Variants in SNED1 observed in about 807,000 individuals in gnomAD.
SNED1 encodes the protein sushi, nidogen and EGF-like domain-containing protein 1.
A neutral mutation model predicts 166.7 loss-of-function variants in SNED1; 81 were observed. The ratio of observed to expected loss-of-function variants is 0.49; its 90% CI spans 0.41 to 0.58. The LOEUF (loss-of-function observed/expected upper bound fraction) is 0.58. Ranked by LOEUF, SNED1 falls within the 20% of genes least tolerant of loss-of-function variation. The probability of loss-of-function intolerance (pLI) is 0.00; values close to 1 mark genes in which losing one functional copy is unlikely to be tolerated. For missense variants in SNED1, 1,604 were observed against 2,000.2 expected (o/e 0.80, Z 3.78); for synonymous variants, 762 against 822.0 (o/e 0.93, Z 1.25).
In SNED1 at chr2:241,094,359, C is replaced by T. The variant is rs1325998209; in HGVS notation, c.*2723C>T. 1.7e-5 allele frequency: 8 copies of T among 470,472 alleles called. No homozygotes were observed. Among genetic ancestry groups the T allele is most frequent in the Admixed American group, 7.1e-5 (3 of 42,546 alleles). 29.1% of individuals were successfully genotyped at this position (470,472 alleles called of 1,614,324 possible). A position where few individuals can be genotyped will look rare whatever the true frequency, so the allele number is the denominator to read the frequency against. ...TCTGACTCAACTGTGGCGATGTGGACGGAGTCACCGAGCTGCTTTTCTTTT... is the reference window on the plus strand; with the variant it reads ...TCTGACTCAACTGTGGCGATGTGGATGGAGTCACCGAGCTGCTTTTCTTTT... On this transcript the variant is annotated 3_prime_UTR_variant, in exon 32 of 32. Coordinates refer to ENST00000310397, the MANE Select transcript of SNED1 (RefSeq NM_001080437.3). The surrounding 1 kb of genome is among the most constrained non-coding windows in gnomAD (Gnocchi z 4.3).
rs374185286 is a variant in SNED1, at chr2:241,041,314, C to T, written c.1273+901C>T. ...ATTTCACTAAATTCATGTCAGGAAA[C>T]GGATAAGTGGTTTCAAAAATTTTTT... On this transcript the variant is annotated intron_variant, in intron 8 of 31. Transcript: ENST00000310397. The T allele has an allele frequency of 1.3e-4, 21 of 157,526 alleles. No homozygotes were observed. The South Asian group carries it at 3.7e-3, about 28-fold the overall frequency. 9.8% of individuals were successfully genotyped at this position (157,526 alleles called of 1,614,324 possible). A position where few individuals can be genotyped will look rare whatever the true frequency, so the allele number is the denominator to read the frequency against.
Position 241,082,366 on chromosome 2 carries a change from T to TA in SNED1, c.4121+4dup, listed in dbSNP as rs1282344774. ...GGAGGGAGGCGTCTGTCACCACGTGTAAGTTGGTTTCTGTCCTCCGCCTTA... is the reference window on the plus strand; with the variant it reads ...GGAGGGAGGCGTCTGTCACCACGTGTAAAGTTGGTTTCTGTCCTCCGCCTTA... On this transcript the variant is annotated splice_region_variant and intron_variant, in intron 29 of 31. Coordinates refer to ENST00000310397, the MANE Select transcript of SNED1 (RefSeq NM_001080437.3). 6.2e-7 allele frequency: 1 copy of TA among 1,611,888 alleles called. No homozygotes were observed. Among genetic ancestry groups the TA allele is most frequent in the South Asian group, 1.1e-5 (1 of 91,030 alleles).
At chr2:241,085,002 C>T (rs2063511211) in intron 29 of SNED1, among the ~76,000 whole-genome samples, 1 of 151,554 alleles carries the variant, frequency 6.6e-6, no homozygotes, top group South Asian at 2.1e-4. Context: ...TCATTCTTAC[C>T]TGTGTTACAC....
rs2061859241 is a variant in SNED1 at position 241,052,027 on chromosome 2, G to C, written c.1853-14G>C. Reference sequence around the variant, plus strand: ...GGCAGTGGGCTGTGACCCTGACCTGGCTTCTGTTTCCAGGGAAGCCAGACT... The same window carrying C: ...GGCAGTGGGCTGTGACCCTGACCTGCCTTCTGTTTCCAGGGAAGCCAGACT... On this transcript the variant is annotated splice_polypyrimidine_tract_variant and intron_variant, in intron 13 of 31. Coordinates refer to ENST00000310397, the MANE Select transcript of SNED1 (RefSeq NM_001080437.3). 2.5e-6 allele frequency: 4 copies of C among 1,611,790 alleles called. No individual in the cohort carries two copies. Among genetic ancestry groups the C allele is most frequent in the Non-Finnish European group, 3.4e-6 (4 of 1,178,248 alleles).
intron 1 of SNED1, among the ~76,000 whole-genome samples, chr2:241,002,857 G>A (rs949613277): frequency 6.6e-6 from 1 of 151,902 alleles, no homozygotes; most frequent in Non-Finnish European, 1.5e-5. Context: ...ACCCCTGAGA[G>A]CCTCCCCAAT....
intron 31 of SNED1, chr2:241,088,900 G>A (rs2063729564): frequency 5.0e-6 from 1 of 201,824 alleles, no homozygotes; most frequent in Admixed American, 5.7e-5. Flanking sequence ...TGGGGCAGGG[G>A]CCTTGATCGC....
intron 6 of SNED1, among the ~76,000 whole-genome samples, chr2:241,038,783 C>T (rs2061443344): frequency 6.6e-6 from 1 of 152,226 alleles, no homozygotes; most frequent in African/African-American, 2.4e-5. Flanking sequence ...GGATCTCCTT[C>T]CTCTTGCTCA....
rs1241112362 is a variant in SNED1, at chr2:241,064,020, G to A, written c.2494G>A (p.Ala832Thr). 2.6e-6 allele frequency: 4 copies of A among 1,552,972 alleles called. No individual in the cohort carries two copies. The highest frequency in any genetic ancestry group is 1.7e-6 in the Non-Finnish European group (2 of 1,148,784). ...CTCTGGGTGTTCTCCAGAGGTGGAC[G>A]CCTGCGACTCCAGCCCCTGCCAGCA... ...VGVHCETEVD[A>T]CDSSPCQHGG... Residue 832 changes from alanine to threonine, a missense_variant, in exon 19 of 32, where the codon GCC becomes ACC. This residue lies in a region of SNED1 where 1,237 missense variants were observed against 1,620.8 expected (regional missense o/e 0.76). Transcript: ENST00000310397. The surrounding 1 kb of genome is among the most constrained non-coding windows in gnomAD (Gnocchi z 7.0).
chr2:241,086,277 G>A (rs940702577), intron 29 of SNED1, among the ~76,000 whole-genome samples: 17 of 152,188 alleles, frequency 1.1e-4, no homozygotes, highest in Admixed American at 9.2e-4. Context: ...TTCACCCTAT[G>A]CATGCACAGC....
At chr2:241,012,837 T>C (rs1332839011) in intron 1 of SNED1, among the ~76,000 whole-genome samples, 1 of 151,482 alleles carries the variant, frequency 6.6e-6, no homozygotes, top group South Asian at 2.1e-4. Context: ...TTTTTTTTTT[T>C]TTTTGTTGTT....
chr2:241,036,047 T>TGGAGGTGCGTCACGGGGTGGGTGGGGGGG (rs2061352899), intron 4 of SNED1, among the ~76,000 whole-genome samples: 1 of 5,578 alleles, frequency 1.8e-4, no homozygotes, highest in Non-Finnish European at 2.8e-4. Flanking sequence ...GGGTGGGGGG[T>TGGAGGTGCGTCACGGGGTGGGTGGGGGGG]GGAGGTGCGT....
At chr2:241,045,350 A>G (rs999066783) in intron 8 of SNED1, among the ~76,000 whole-genome samples, 8 of 152,158 alleles carry the variant, frequency 5.3e-5, no homozygotes, top group African/African-American at 1.9e-4. Flanking sequence ...AACCAAAACA[A>G]TTTTGATGAA....
chr2:241,042,533 T>C (rs1175723575), intron 8 of SNED1, among the ~76,000 whole-genome samples: 2 of 152,026 alleles, frequency 1.3e-5, no homozygotes, highest in Admixed American at 1.3e-4. Context: ...AACATATAAC[T>C]CACAGTCAGG....
chr2:241,038,226 A>G (rs2061431251), intron 6 of SNED1, among the ~76,000 whole-genome samples: 1 of 152,210 alleles, frequency 6.6e-6, no homozygotes, highest in Admixed American at 6.5e-5. Context: ...AAAAACATGT[A>G]ATAGATTGTT....
chr2:241,067,702 C>T (rs1191090088), intron 21 of SNED1, 62 bp from the exon 22 acceptor site: 19 of 1,437,560 alleles, frequency 1.3e-5, no homozygotes, highest in Non-Finnish European at 1.7e-5. Flanking sequence ...TCATCTTGAG[C>T]CCCTGCACTC....
chr2:241,001,399 C>T (rs1464495865), intron 1 of SNED1, among the ~76,000 whole-genome samples: 1 of 152,174 alleles, frequency 6.6e-6, no homozygotes, highest in African/African-American at 2.4e-5. Flanking sequence ...ATGGAGTGGC[C>T]CCCTTTCCAG....
rs142548282 is a variant in SNED1, at chr2:241,082,351, G to A, written c.4108G>A (p.Val1370Ile). The change falls in exon 29 of 32, where the codon GTC becomes ATC. Residue 1370 changes from valine (V) to isoleucine (I), a missense_variant. Physicochemically the swap from Val to Ile is conservative, Grantham distance 29 (BLOSUM62 3). Transcript: ENST00000310397. ...TKAFPVWEGG[V>I]CHHVYKRVYR... Reference sequence around the variant, plus strand: ...GGCCTTTCCAGTCTGGGAGGGAGGCGTCTGTCACCACGTGTAAGTTGGTTT... The same window carrying A: ...GGCCTTTCCAGTCTGGGAGGGAGGCATCTGTCACCACGTGTAAGTTGGTTT... 155 of 1,613,050 alleles carry A rather than the reference G, an allele frequency of 9.6e-5. No individual in the cohort carries two copies. The East Asian group carries it at 1.9e-3, about 20-fold the overall frequency.
Position 240,999,006 on chromosome 2 carries a change from T to C in SNED1, c.169T>C (p.Ser57Pro). ...CGGCGGCTCGGGGCTGCGGCCGCTC[T>C]CGGTGCCCTTCCCGTTCTTCGGTGC... ...DDGGSGLRPL[S>P]VPFPFFGAEH... The change falls in exon 1 of 32, where the codon TCG (serine) becomes CCG (proline). Residue 57 changes from serine (S) to proline (P), a missense_variant. By Grantham distance (74) the Ser-to-Pro change is moderately conservative. Coordinates refer to ENST00000310397, the MANE Select transcript of SNED1 (RefSeq NM_001080437.3). This position sits in a 1 kb window ranked among gnomAD's most constrained non-coding sequence, Gnocchi z 5.8. 1 of 1,324,952 alleles carries C rather than the reference T, an allele frequency of 7.5e-7. No individual in the cohort carries two copies. The highest frequency in any genetic ancestry group is 1.8e-5 in the South Asian group (1 of 55,322). The allele number at this position is 1,324,952 out of a possible 1,614,324, so 82.1% of individuals were successfully genotyped here.
chr2:241,012,722 TCAC>T (rs1323121172), intron 1 of SNED1, among the ~76,000 whole-genome samples: 2 of 151,932 alleles, frequency 1.3e-5, no homozygotes, highest in African/African-American at 4.8e-5. Context: ...TATACATCCA[TCAC>T]CACCCAGTTA....
Sources: allele counts gnomAD v4.1 joint callset (sites outside exome capture counted in the v4.1 genomes callset), GRCh38; gene constraint gnomAD v4.1.1; regional missense constraint gnomAD v4.1.1; non-coding constraint Gnocchi (gnomAD v3.1); transcripts MANE v1.5; gene names NCBI Gene and HGNC (gene_info 2026-07-23, HGNC 2026-07-21).